Variants in EXOC6B observed in about 807,000 individuals in gnomAD.
EXOC6B encodes the protein SEC15 homolog B.
Under a neutral mutation model 113.5 loss-of-function variants are expected in EXOC6B, and 54 were observed. The observed-to-expected ratio is 0.48, with a 90% CI of 0.38 to 0.60. The LOEUF (loss-of-function observed/expected upper bound fraction) is 0.60, where lower values mean the gene tolerates loss of function less well. Among genes scored for constraint, EXOC6B ranks in the 20% least tolerant of loss-of-function variants. The pLI, the probability that EXOC6B is intolerant of heterozygous loss-of-function variation, is 0.00. For missense variants in EXOC6B, 797 were observed against 977.5 expected, an observed-to-expected ratio of 0.82 and a Z score of 2.46; for synonymous variants, 357 against 339.0, an observed-to-expected ratio of 1.05 and a Z score of -0.58.
chr2:72,253,287 T>C (rs1291179185), intron 20 of EXOC6B, among the ~76,000 whole-genome samples: 1 of 152,144 alleles, frequency 6.6e-6, no homozygotes, highest in Non-Finnish European at 1.5e-5. Flanking sequence ...AGCAGTTTGG[T>C]GATGTCTGAA....
chr2:72,295,241 A>G (rs1456464767), intron 20 of EXOC6B, among the ~76,000 whole-genome samples: 1 of 151,996 alleles, frequency 6.6e-6, no homozygotes, highest in Non-Finnish European at 1.5e-5. Flanking sequence ...AAAAAAAAAA[A>G]AAAAAAAATA....
At chr2:72,712,364 A>G (rs184424953) in intron 6 of EXOC6B, among the ~76,000 whole-genome samples, 1 of 152,340 alleles carries the variant, frequency 6.6e-6, no homozygotes, top group Non-Finnish European at 1.5e-5. Context: ...TCAGAATGCC[A>G]GTATTACTAC....
chr2:72,367,880 C>G (rs1270355529), intron 19 of EXOC6B, among the ~76,000 whole-genome samples: 1 of 152,190 alleles, frequency 6.6e-6, no homozygotes, highest in African/African-American at 2.4e-5. Context: ...ATCATCCATT[C>G]TAGAGGTCAG....
chr2:72,257,689 C>G (rs1683435270), intron 20 of EXOC6B, among the ~76,000 whole-genome samples: 1 of 152,132 alleles, frequency 6.6e-6, no homozygotes. Context: ...TTAGAAAGAT[C>G]AATGAAACAC....
At chr2:72,695,461 T>A (rs903361506) in intron 6 of EXOC6B, among the ~76,000 whole-genome samples, 2 of 152,146 alleles carry the variant, frequency 1.3e-5, no homozygotes, top group African/African-American at 4.8e-5. Context: ...TAAAAATATA[T>A]GAAAGTATTC....
At chr2:72,267,996 C>G (rs955301952) in intron 20 of EXOC6B, among the ~76,000 whole-genome samples, 3 of 151,984 alleles carry the variant, frequency 2.0e-5, no homozygotes, top group Admixed American at 6.5e-5. Flanking sequence ...CTATTTGCGA[C>G]AGCAATAAAA....
intron 18 of EXOC6B, among the ~76,000 whole-genome samples, chr2:72,421,484 A>G (rs2105262341): frequency 6.6e-6 from 1 of 152,366 alleles, no homozygotes; most frequent in African/African-American, 2.4e-5. Flanking sequence ...AAATTTCAGA[A>G]GAATTTTTAT....
chr2:72,629,724 G>C (rs1421273730), intron 6 of EXOC6B, among the ~76,000 whole-genome samples: 1 of 151,996 alleles, frequency 6.6e-6, no homozygotes, highest in African/African-American at 2.4e-5. Flanking sequence ...CACTGACTAG[G>C]ATGGCAATGA....
At chr2:72,370,335 T>C (rs978592260) in intron 19 of EXOC6B, among the ~76,000 whole-genome samples, 2 of 152,134 alleles carry the variant, frequency 1.3e-5, no homozygotes, top group African/African-American at 4.8e-5. Flanking sequence ...CCAGTTAGAA[T>C]GGCGATCATT....
intron 6 of EXOC6B, among the ~76,000 whole-genome samples, chr2:72,699,923 T>C (rs1027811719): frequency 1.3e-5 from 2 of 152,124 alleles, no homozygotes; most frequent in Non-Finnish European, 1.5e-5. Context: ...AAGAGATTAG[T>C]TCCAGGACCT....
At chr2:72,441,848 T>C (rs1016317979) in intron 18 of EXOC6B, among the ~76,000 whole-genome samples, 1 of 152,326 alleles carries the variant, frequency 6.6e-6, no homozygotes, top group African/African-American at 2.4e-5. Context: ...GTACCATTCC[T>C]ACTGAAACTA....
At chr2:72,601,211 C>A (rs1347964888) in intron 6 of EXOC6B, among the ~76,000 whole-genome samples, 2 of 151,162 alleles carry the variant, frequency 1.3e-5, no homozygotes, top group Non-Finnish European at 1.5e-5. Flanking sequence ...GAGACGGAGA[C>A]TCACTCTGTC....
chr2:72,809,540 T>G (rs1445771634), intron 1 of EXOC6B, among the ~76,000 whole-genome samples: 1 of 144,714 alleles, frequency 6.9e-6, no homozygotes, highest in Non-Finnish European at 1.6e-5. Flanking sequence ...TAACCCAAAG[T>G]AAACAGCAGG....
intron 19 of EXOC6B, among the ~76,000 whole-genome samples, chr2:72,378,739 C>T (rs1399788111): frequency 1.3e-5 from 2 of 151,932 alleles, no homozygotes; most frequent in Admixed American, 6.6e-5. Context: ...TGAGCAGACT[C>T]GTGTAATTTC....
chr2:72,194,538 C>T (rs1679038763), intron 20 of EXOC6B, among the ~76,000 whole-genome samples: 1 of 151,264 alleles, frequency 6.6e-6, no homozygotes, highest in Non-Finnish European at 1.5e-5. Context: ...TAGACAAATC[C>T]ACTCTGCTCC....
intron 1 of EXOC6B, among the ~76,000 whole-genome samples, chr2:72,768,953 A>T (rs1683259701): frequency 6.6e-6 from 1 of 152,136 alleles, no homozygotes; most frequent in African/African-American, 2.4e-5. Context: ...TCTCTACAAA[A>T]AAAAATTAGC....
intron 6 of EXOC6B, among the ~76,000 whole-genome samples, chr2:72,626,459 C>T (rs902847805): frequency 6.6e-6 from 1 of 152,124 alleles, no homozygotes; most frequent in African/African-American, 2.4e-5. Context: ...GGTTATCAGA[C>T]AAGATGATTT....
chr2:72,229,900 A>G (rs1373185351), intron 20 of EXOC6B, among the ~76,000 whole-genome samples: 1 of 152,236 alleles, frequency 6.6e-6, no homozygotes, highest in Non-Finnish European at 1.5e-5. Context: ...TTATATCACA[A>G]CAGGGGACTC....
intron 10 of EXOC6B, among the ~76,000 whole-genome samples, chr2:72,514,255 C>T (rs908938972): frequency 2.0e-5 from 3 of 152,034 alleles, no homozygotes; most frequent in African/African-American, 7.2e-5. Context: ...CCTACTAAGC[C>T]TAAAATATTT....
Sources: gnomAD v4.1 joint callset for allele counts (sites outside exome capture counted in the v4.1 genomes callset) on GRCh38, gnomAD v4.1.1 for gene constraint, MANE v1.5 for transcripts, NCBI Gene and HGNC (gene_info 2026-07-23, HGNC 2026-07-21) for gene names.